The following UBE2E1 variants were observed in gnomAD, a reference collection of about 807,000 sequenced individuals.
The protein encoded by UBE2E1 is ubiquitin-conjugating enzyme E2 E1.
Under a neutral mutation model 21.4 loss-of-function variants are expected in UBE2E1, and 6 were observed. The ratio of observed to expected loss-of-function variants is 0.28; its 90% CI spans 0.15 to 0.55. The LOEUF (loss-of-function observed/expected upper bound fraction) is 0.55, where lower values mean the gene tolerates loss of function less well. UBE2E1 is among the 20% of genes least tolerant of loss of function. The pLI, the probability that UBE2E1 is intolerant of heterozygous loss-of-function variation, is 0.93. For missense variants in UBE2E1, 142 were observed against 236.5 expected (o/e 0.60, Z 2.62); for synonymous variants, 87 against 82.7 (o/e 1.05, Z -0.28).
chr3:23,862,701 A>G (rs1321495462), intron 3 of UBE2E1, among the ~76,000 whole-genome samples: 1 of 152,128 alleles, frequency 6.6e-6, no homozygotes, highest in Non-Finnish European at 1.5e-5. Flanking sequence ...GTAAGATACT[A>G]TCTTTTTCCT....
At chr3:23,889,413 G>A in intron 5 of UBE2E1, 154 bp downstream of exon 5, 1 of 1,485,646 alleles carries the variant, frequency 6.7e-7, no homozygotes, top group Non-Finnish European at 8.9e-7. Context: ...ATCAAGTTCA[G>A]TCTACTAGTT....
At chr3:23,832,497 T>C (rs1017333994) in intron 3 of UBE2E1, among the ~76,000 whole-genome samples, 9 of 151,858 alleles carry the variant, frequency 5.9e-5, no homozygotes, top group African/African-American at 2.2e-4. Flanking sequence ...GTACAAAAAT[T>C]AGCCAGGCGT....
intron 3 of UBE2E1, among the ~76,000 whole-genome samples, chr3:23,829,164 CAAAA>C (rs56097157): frequency 1.6e-5 from 2 of 128,134 alleles, no homozygotes; most frequent in African/African-American, 2.9e-5. Context: ...GACAGGGCCT[CAAAA>C]AAAAAAAAAA....
chr3:23,832,662 G>T (rs1699894610), intron 3 of UBE2E1, among the ~76,000 whole-genome samples: 1 of 152,170 alleles, frequency 6.6e-6, no homozygotes, highest in African/African-American at 2.4e-5. Flanking sequence ...TTGAAGCCGG[G>T]AGGCGAAGGT....
chr3:23,865,887 TCAGC>T (rs1700645446), intron 3 of UBE2E1, among the ~76,000 whole-genome samples: 1 of 152,168 alleles, frequency 6.6e-6, no homozygotes, highest in African/African-American at 2.4e-5. Flanking sequence ...ATGTCCCACA[TCAGC>T]CCTCCATCTG....
intron 4 of UBE2E1, 110 bp from the exon 5 acceptor site, chr3:23,889,002 C>A: frequency 9.2e-7 from 1 of 1,085,096 alleles, no homozygotes; most frequent in Non-Finnish European, 1.3e-6. Context: ...ATCTTCTTGA[C>A]AGCTTTAATT....
chr3:23,831,807 C>G (rs1448290917), intron 3 of UBE2E1, among the ~76,000 whole-genome samples: 1 of 152,030 alleles, frequency 6.6e-6, no homozygotes, highest in African/African-American at 2.4e-5. Flanking sequence ...AGCCATTCTC[C>G]TGCCTCAGCC....
intron 3 of UBE2E1, among the ~76,000 whole-genome samples, chr3:23,871,996 C>A (rs549529624): frequency 0.027 from 4,032 of 152,048 alleles, 85 homozygotes; most frequent in Middle Eastern, 0.058. Context: ...GCTGCAATCT[C>A]GGCACTTTGG....
intron 3 of UBE2E1, among the ~76,000 whole-genome samples, chr3:23,828,355 A>G (rs891712388): frequency 2.0e-5 from 3 of 152,218 alleles, no homozygotes; most frequent in Non-Finnish European, 4.4e-5. Context: ...ATCAATTTCT[A>G]TATTGTATGT....
rs114616434 is a variant in UBE2E1, at chr3:23,877,797, T to C, written c.204-9770T>C. On this transcript the variant is annotated intron_variant, in intron 3 of 5. Coordinates refer to ENST00000306627, the MANE Select transcript of UBE2E1 (RefSeq NM_003341.5). ...CGTGCCACATCTGGCTTTCTGAGGA[T>C]GATGATAAAGCTTATTCCAAGTGCC... is the stretch of plus-strand genomic sequence containing the variant. Among the ~76,000 whole-genome samples the C allele has an allele frequency of 2.5e-3, 383 of 152,324 alleles. 1 individual carries two copies. Among genetic ancestry groups the C allele is most frequent in the African/African-American group, 8.7e-3 (360 of 41,588 alleles).
At chr3:23,882,798 C>T (rs1378878658) in intron 3 of UBE2E1, among the ~76,000 whole-genome samples, 1 of 152,214 alleles carries the variant, frequency 6.6e-6, no homozygotes, top group East Asian at 1.9e-4. Context: ...CCCTCACTGC[C>T]TGGGGCCAGT....
At chr3:23,875,057 AACTT>A (rs1405854913) in intron 3 of UBE2E1, among the ~76,000 whole-genome samples, 6 of 152,220 alleles carry the variant, frequency 3.9e-5, no homozygotes, top group Non-Finnish European at 7.3e-5. Context: ...CTACCAGAGT[AACTT>A]AACCCTTTAC....
chr3:23,822,671 GCTGC>G (rs1221340585), intron 3 of UBE2E1, among the ~76,000 whole-genome samples: 3 of 152,204 alleles, frequency 2.0e-5, no homozygotes, highest in African/African-American at 7.2e-5. Flanking sequence ...GTAAATTGCT[GCTGC>G]CATCCTTAAA....
At position 23,887,939 on chromosome 3, in the gene UBE2E1, A is replaced by G. The variant is rs1323001022; in HGVS notation, c.336+240A>G. On this transcript the variant is annotated intron_variant, in intron 4 of 5. Transcript: ENST00000306627. This position sits in a 1 kb window ranked among gnomAD's most constrained non-coding sequence, Gnocchi z 4.4. ...TTAAAATTGTGCTATTTATAGTAAT[A>G]TTGTCAGCAACCTAGAATTAATCCC... 1 of 535,090 alleles carries G rather than the reference A, an allele frequency of 1.9e-6. No homozygotes were observed. The highest frequency in any genetic ancestry group is 1.9e-5 in the African/African-American group (1 of 52,490). 33.1% of individuals were successfully genotyped at this position (535,090 alleles called of 1,614,324 possible). A position where few individuals can be genotyped will look rare whatever the true frequency, so the allele number is the denominator to read the frequency against.
At chr3:23,882,051 C>G (rs568290546) in intron 3 of UBE2E1, among the ~76,000 whole-genome samples, 1 of 152,162 alleles carries the variant, frequency 6.6e-6, no homozygotes, top group East Asian at 1.9e-4. Flanking sequence ...AAAGGCAGTG[C>G]GGACCCAAAG....
chr3:23,888,678 C>A (rs1453794490), intron 4 of UBE2E1, among the ~76,000 whole-genome samples: 1 of 152,136 alleles, frequency 6.6e-6, no homozygotes, highest in Non-Finnish European at 1.5e-5. Flanking sequence ...TGGGTGTAGT[C>A]ATTGTTTGCT....
rs1553637704 is a variant in UBE2E1 at position 23,842,198 on chromosome 3, G to GGGTGTGTGTGT, written c.203+30689_203+30690insGTGTGTGTGTG. ...TATGTCATGACCCAGTAAGTGAAGG[G>GGGTGTGTGTGT]GTGTGTGTGTGTGTGTGTGTGTGTG... is the stretch of plus-strand genomic sequence containing the variant. On this transcript the variant is annotated intron_variant, in intron 3 of 5. Coordinates refer to ENST00000306627, the MANE Select transcript of UBE2E1 (RefSeq NM_003341.5). This position sits in a 1 kb window ranked among gnomAD's most constrained non-coding sequence, Gnocchi z 4.6. Among the ~76,000 whole-genome samples the GGGTGTGTGTGT allele has an allele frequency of 4.8e-5, 5 of 104,284 alleles. No individual in the cohort carries two copies. The highest frequency in any genetic ancestry group is 1.8e-4 in the African/African-American group (5 of 27,628). 68.4% of individuals were successfully genotyped at this position (104,284 alleles called of 152,430 possible). A position where few individuals can be genotyped will look rare whatever the true frequency, so the allele number is the denominator to read the frequency against.
At chr3:23,888,637 T>C (rs1276024132) in intron 4 of UBE2E1, among the ~76,000 whole-genome samples, 2 of 152,160 alleles carry the variant, frequency 1.3e-5, no homozygotes, top group Admixed American at 6.5e-5. Flanking sequence ...AAAGCAGAAA[T>C]AGACTTCTCT....
At chr3:23,828,943 T>G (rs1699810124) in intron 3 of UBE2E1, among the ~76,000 whole-genome samples, 1 of 152,128 alleles carries the variant, frequency 6.6e-6, no homozygotes, top group Non-Finnish European at 1.5e-5. Context: ...GGGTTTACTT[T>G]CAGTGGACAG....
Sources: allele counts gnomAD v4.1 joint callset (sites outside exome capture counted in the v4.1 genomes callset), GRCh38; gene constraint gnomAD v4.1.1; non-coding constraint Gnocchi (gnomAD v3.1); transcripts MANE v1.5; gene names NCBI Gene and HGNC (gene_info 2026-07-23, HGNC 2026-07-21).